The following MIPOL1 variants were observed in gnomAD, a reference collection of about 807,000 sequenced individuals.
MIPOL1 encodes mirror-image polydactyly gene 1 protein.
In MIPOL1, 57 loss-of-function variants were observed where a neutral mutation model predicts 60.9. The observed-to-expected ratio is 0.94, with a 90% CI of 0.76 to 1.17. MIPOL1 has a LOEUF of 1.17. MIPOL1 is among the 50% of genes most tolerant of loss of function. The pLI is 0.00. For missense variants in MIPOL1, 551 were observed against 511.6 expected, an observed-to-expected ratio of 1.08 and a Z score of -0.74; for synonymous variants, 179 against 168.8, an observed-to-expected ratio of 1.06 and a Z score of -0.47.
chr14:37,500,164 A>G (rs1224563781), intron 12 of MIPOL1, 26 bp downstream of exon 12: 1 of 1,416,364 alleles, frequency 7.1e-7, no homozygotes, highest in African/African-American at 1.4e-5. Flanking sequence ...TTGTAATAAT[A>G]CTTCAAACAC....
At chr14:37,473,905 C>T (rs2094726349) in intron 11 of MIPOL1, among the ~76,000 whole-genome samples, 1 of 152,026 alleles carries the variant, frequency 6.6e-6, no homozygotes, top group Non-Finnish European at 1.5e-5. Context: ...GCTTTTTATG[C>T]ATGCCCATAC....
At chr14:37,453,244 A>G (rs1220676364) in intron 11 of MIPOL1, among the ~76,000 whole-genome samples, 1 of 152,028 alleles carries the variant, frequency 6.6e-6, no homozygotes, top group Non-Finnish European at 1.5e-5. Flanking sequence ...TACTTCCTAC[A>G]TCTTGTGAGA....
intron 10 of MIPOL1, among the ~76,000 whole-genome samples, chr14:37,376,097 C>G (rs917828189): frequency 6.6e-6 from 1 of 152,086 alleles, no homozygotes; most frequent in African/African-American, 2.4e-5. Context: ...CATATATTCA[C>G]TGGTCCCACA....
In MIPOL1 at chr14:37,288,726, G is replaced by T. The variant is rs374006121; in HGVS notation, c.623+3279G>T. On this transcript the variant is annotated intron_variant, in intron 7 of 12. Transcript: ENST00000684589. ...CTTTATAGGCTGAGGTGGGAGGATC[G>T]CTTGAGCCTCAGAGATGGAGGCTGC... Among the ~76,000 whole-genome samples the T allele has an allele frequency of 2.2e-4, 33 of 152,094 alleles. No individual in the cohort carries two copies. The South Asian group carries it at 6.8e-3, about 32-fold the overall frequency.
At chr14:37,477,817 C>T (rs1448234854) in intron 11 of MIPOL1, among the ~76,000 whole-genome samples, 1 of 152,218 alleles carries the variant, frequency 6.6e-6, no homozygotes, top group Non-Finnish European at 1.5e-5. Flanking sequence ...GGCATGTGTG[C>T]AGGCTGGATG....
At chr14:37,381,481 A>C (rs538880664) in intron 10 of MIPOL1, among the ~76,000 whole-genome samples, 1 of 152,156 alleles carries the variant, frequency 6.6e-6, no homozygotes, top group African/African-American at 2.4e-5. Context: ...CAGGTTAGGT[A>C]ATAAATATAG....
In MIPOL1 at chr14:37,430,571, T is replaced by C. The variant is rs111833419; in HGVS notation, c.1031+7622T>C. Among the ~76,000 whole-genome samples, 703 of 152,148 alleles carry C rather than the reference T, an allele frequency of 4.6e-3. 4 individuals are homozygous for C. The highest frequency in any genetic ancestry group is 0.015 in the African/African-American group (623 of 41,544). ...ATTTGGACTATATTTATTAAGCATT[T>C]GTCTCTTCTTCCTCTCAACTTATAG... On this transcript the variant is annotated intron_variant, in intron 11 of 12. Transcript: ENST00000684589.
At chr14:37,541,246 T>C (rs1423791808) in intron 12 of MIPOL1, among the ~76,000 whole-genome samples, 1 of 152,148 alleles carries the variant, frequency 6.6e-6, no homozygotes, top group Non-Finnish European at 1.5e-5. Context: ...TCAACACAAA[T>C]CAAAATATCC....
At position 37,215,218 on chromosome 14, in the gene MIPOL1, A is replaced by G. The variant is rs991378925; in HGVS notation, c.-199+17114A>G. Among the ~76,000 whole-genome samples, 89 of 152,022 alleles carry G rather than the reference A, an allele frequency of 5.9e-4. 5 individuals are homozygous for G. Among genetic ancestry groups the G allele is most frequent in the Non-Finnish European group, 2.9e-5 (2 of 68,006 alleles). ...ACACGTGACCAATGTGACCTTACCT[A>G]TCATTGGAGATGGCTCACACTCCTT... is the stretch of plus-strand genomic sequence containing the variant. On this transcript the variant is annotated intron_variant, in intron 1 of 12. Coordinates refer to ENST00000684589, the MANE Select transcript of MIPOL1 (RefSeq NM_001388067.1).
chr14:37,315,139 A>G (rs992124424), intron 9 of MIPOL1, among the ~76,000 whole-genome samples: 1 of 152,168 alleles, frequency 6.6e-6, no homozygotes, highest in African/African-American at 2.4e-5. Flanking sequence ...CCTATTTTTC[A>G]AGATGAATTG....
Position 37,549,852 on chromosome 14 carries a change from A to C in MIPOL1, c.*2881A>C, listed in dbSNP as rs1246194611. 6.6e-6 allele frequency: 1 copy of C among 151,956 alleles called. No homozygotes were observed. The highest frequency in any genetic ancestry group is 1.5e-5 in the Non-Finnish European group (1 of 67,844). The allele number at this position is 151,956 out of a possible 1,614,324, so 9.4% of individuals were successfully genotyped here. ...CAATTCATTGCTAATAAAACATAACATGAGTCTCTTTGTACTGTTTTTAAT... is the reference window on the plus strand; with the variant it reads ...CAATTCATTGCTAATAAAACATAACCTGAGTCTCTTTGTACTGTTTTTAAT... On this transcript the variant is annotated 3_prime_UTR_variant, in exon 13 of 13. Transcript: ENST00000684589.
chr14:37,363,032 G>C (rs1459141500), intron 9 of MIPOL1, among the ~76,000 whole-genome samples: 1 of 152,048 alleles, frequency 6.6e-6, no homozygotes, highest in East Asian at 1.9e-4. Flanking sequence ...AAGATTTTTA[G>C]ATTCCTTGCC....
At chr14:37,299,195 G>A (rs965443817) in intron 7 of MIPOL1, among the ~76,000 whole-genome samples, 14 of 151,276 alleles carry the variant, frequency 9.3e-5, no homozygotes, top group Non-Finnish European at 1.8e-4. Flanking sequence ...ACTATTGCAA[G>A]GACAAAAAAC....
intron 11 of MIPOL1, among the ~76,000 whole-genome samples, chr14:37,459,473 T>C (rs955128165): frequency 1.3e-5 from 2 of 151,904 alleles, no homozygotes; most frequent in Admixed American, 6.6e-5. Context: ...CACGAAGAAA[T>C]AGAAACCCTG....
intron 10 of MIPOL1, among the ~76,000 whole-genome samples, chr14:37,410,732 C>T (rs1183111138): frequency 1.3e-5 from 2 of 152,060 alleles, no homozygotes; most frequent in African/African-American, 4.8e-5. Flanking sequence ...TTAAGGTCCT[C>T]TTATTGTCCA....
At position 37,548,626 on chromosome 14, in the gene MIPOL1, G is replaced by A. The variant is rs2095554182; in HGVS notation, c.*1655G>A. The A allele has an allele frequency of 6.6e-6, 1 of 151,884 alleles. No individual in the cohort carries two copies. The highest frequency in any genetic ancestry group is 1.5e-5 in the Non-Finnish European group (1 of 67,832). 9.4% of individuals were successfully genotyped at this position (151,884 alleles called of 1,614,324 possible). ...TATGTGAAGAAACATTATCTTTAAA[G>A]TCATCTGGGAGGTGCAGGTAAGTAA... On this transcript the variant is annotated 3_prime_UTR_variant, in exon 13 of 13. Coordinates refer to ENST00000684589, the MANE Select transcript of MIPOL1 (RefSeq NM_001388067.1).
chr14:37,285,305 T>G lies in MIPOL1; in HGVS notation c.494-13T>G, dbSNP rs757158595. The G allele has an allele frequency of 6.2e-7, 1 of 1,613,914 alleles. No individual in the cohort carries two copies. The highest frequency in any genetic ancestry group is 1.1e-5 in the South Asian group (1 of 91,044). ...TTTGTATGATTGATTGTGCGCTTTA[T>G]ATATTTTGGTAGCTCTGGTTGAAGA... On this transcript the variant is annotated splice_polypyrimidine_tract_variant and intron_variant, in intron 6 of 12. Coordinates refer to ENST00000684589, the MANE Select transcript of MIPOL1 (RefSeq NM_001388067.1).
At chr14:37,455,593 C>CT (rs1335957705) in intron 11 of MIPOL1, among the ~76,000 whole-genome samples, 1 of 151,904 alleles carries the variant, frequency 6.6e-6, no homozygotes, top group Non-Finnish European at 1.5e-5. Context: ...CTGCCTCATG[C>CT]TTTTTTTCAG....
At chr14:37,254,822 G>GTCCTTT (rs1311597221) in intron 3 of MIPOL1, among the ~76,000 whole-genome samples, 28 of 151,768 alleles carry the variant, frequency 1.8e-4, no homozygotes, top group Middle Eastern at 3.4e-3. Flanking sequence ...ATGAAAAATG[G>GTCCTTT]TAAATTTCCC....
Sources: gnomAD v4.1 joint callset for allele counts (sites outside exome capture counted in the v4.1 genomes callset) on GRCh38, gnomAD v4.1.1 for gene constraint, MANE v1.5 for transcripts, NCBI Gene and HGNC (gene_info 2026-07-23, HGNC 2026-07-21) for gene names.